The following STARD9 variants were observed in gnomAD, a reference collection of about 807,000 sequenced individuals.
The protein encoded by STARD9 is stAR-related lipid transfer protein 9.
Under a neutral mutation model 399.8 loss-of-function variants are expected in STARD9, and 346 were observed. That is an observed-to-expected ratio of 0.87 (90% CI 0.79 to 0.95). STARD9 has a LOEUF of 0.95. Among genes scored for constraint, STARD9 ranks in the 40% least tolerant of loss-of-function variants. The pLI, the probability that STARD9 is intolerant of heterozygous loss-of-function variation, is 0.00. For synonymous variants in STARD9, 2,203 were observed against 2,143.5 expected, an observed-to-expected ratio of 1.03 and a Z score of -0.77; for missense variants, 5,832 against 5,667.5, an observed-to-expected ratio of 1.03 and a Z score of -0.93.
chr15:42,637,542 C>T (rs2059442224), intron 4 of STARD9, among the ~76,000 whole-genome samples: 1 of 152,154 alleles, frequency 6.6e-6, no homozygotes, highest in South Asian at 2.1e-4. Context: ...TACTCATATA[C>T]TCTTGTCCGC....
intron 7 of STARD9, among the ~76,000 whole-genome samples, chr15:42,641,548 C>T (rs1251403613): frequency 1.3e-5 from 2 of 148,798 alleles, no homozygotes; most frequent in African/African-American, 2.5e-5. Context: ...GTGATGTTCC[C>T]CTTCCTGTGT....
intron 16 of STARD9, 122 bp downstream of exon 16, chr15:42,669,459 C>T: frequency 1.1e-6 from 1 of 914,810 alleles, no homozygotes; most frequent in East Asian, 2.7e-5. Context: ...TACAGAGCTG[C>T]CTTCAGGTTT....
At chr15:42,603,867 C>A (rs34840286) in intron 3 of STARD9, among the ~76,000 whole-genome samples, 1 of 146,988 alleles carries the variant, frequency 6.8e-6, no homozygotes, top group Non-Finnish European at 1.5e-5. Flanking sequence ...ATCTTTGGTT[C>A]AAAGAACCAA....
intron 7 of STARD9, among the ~76,000 whole-genome samples, chr15:42,639,240 G>A (rs775685956): frequency 9.2e-5 from 14 of 152,180 alleles, no homozygotes; most frequent in Non-Finnish European, 1.6e-4. Context: ...TAGAGCCCTG[G>A]GAGAAGGCTT....
At chr15:42,713,170 T>G (rs1334697173) in intron 26 of STARD9, among the ~76,000 whole-genome samples, 1 of 152,230 alleles carries the variant, frequency 6.6e-6, no homozygotes, top group Non-Finnish European at 1.5e-5. Context: ...TTAAACTTAT[T>G]CGTAAGTATT....
chr15:42,694,038 G>A lies in STARD9; in HGVS notation c.12460G>A (p.Gly4154Arg). 3 of 1,534,234 alleles carry A rather than the reference G, an allele frequency of 2.0e-6. No individual in the cohort carries two copies. Among genetic ancestry groups the A allele is most frequent in the Non-Finnish European group, 2.6e-6 (3 of 1,145,532 alleles). The change falls in exon 23 of 33, where the codon GGG becomes AGG. Residue 4154 changes from glycine to arginine, a missense_variant. Physicochemically the swap from Gly to Arg is moderately radical, Grantham distance 125. Around this residue, in one of 2 missense-constraint regions of STARD9, gnomAD observed 5,828 missense variants for 5,651.1 expected, o/e 1.03. Coordinates refer to ENST00000290607, the MANE Select transcript of STARD9 (RefSeq NM_020759.3). ...GTGTGGGGTTCAGAAGGGCTCACCT[G>A]GGGGGTTGGACATGACTGAGGAGGA... ...NWCGVQKGSP[G>R]GLDMTEEELG... is the part of the protein sequence containing the mutation.
rs939969225 is a variant in STARD9, at chr15:42,694,374, A to G, written c.12764+32A>G. 3.0e-5 allele frequency: 46 copies of G among 1,535,046 alleles called. No homozygotes were observed. The African/African-American group carries it at 4.5e-4, about 15-fold the overall frequency. ...ACCCCCAGCCTGGAGTCGGGAGGGG[A>G]AGGGGTGGGCTGTGAGGAAAGAGAA... On this transcript the variant is annotated intron_variant, in intron 23 of 32. Transcript: ENST00000290607.
chr15:42,577,621 G>C (rs926198434), intron 1 of STARD9, among the ~76,000 whole-genome samples: 1 of 152,208 alleles, frequency 6.6e-6, no homozygotes, highest in African/African-American at 2.4e-5. Context: ...GCAAGTGGTA[G>C]GATGTCAAGA....
intron 3 of STARD9, among the ~76,000 whole-genome samples, chr15:42,612,894 G>T (rs1399992019): frequency 1.3e-5 from 2 of 150,174 alleles, no homozygotes; most frequent in African/African-American, 4.9e-5. Context: ...TGAGGCAGGA[G>T]AATTGCTTGA....
At chr15:42,695,661 G>A (rs925091808) in intron 25 of STARD9, 82 bp from the exon 26 acceptor site, 1 of 1,451,916 alleles carries the variant, frequency 6.9e-7, no homozygotes, top group Non-Finnish European at 9.2e-7. Context: ...CAGGGAAGGG[G>A]TGGCTTTGGG....
intron 3 of STARD9, among the ~76,000 whole-genome samples, chr15:42,631,945 C>T (rs1466442065): frequency 6.6e-6 from 1 of 152,026 alleles, no homozygotes; most frequent in African/African-American, 2.4e-5. Flanking sequence ...CTGTAAATAT[C>T]TATTAGTTCC....
intron 7 of STARD9, among the ~76,000 whole-genome samples, chr15:42,643,220 G>A (rs1680066645): frequency 6.6e-6 from 1 of 151,546 alleles, no homozygotes; most frequent in Non-Finnish European, 1.5e-5. Context: ...TTTTTGAGAC[G>A]GAGTCTTGCT....
At chr15:42,656,655 C>T (rs2059879353) in intron 9 of STARD9, among the ~76,000 whole-genome samples, 1 of 152,096 alleles carries the variant, frequency 6.6e-6, no homozygotes, top group Admixed American at 6.6e-5. Context: ...TGAAAAGGCA[C>T]CAAATAATAG....
At chr15:42,718,350 TG>T (rs2061389487) in intron 30 of STARD9, 84 bp from the exon 31 acceptor site, 15 of 1,287,432 alleles carry the variant, frequency 1.2e-5, no homozygotes, top group Non-Finnish European at 1.5e-5. Context: ...GATGGGGTGT[TG>T]GGGGGAGGGC....
rs1209469748 is a variant in STARD9 at position 42,689,728 on chromosome 15, C to G, written c.8150C>G (p.Pro2717Arg). ...DATRTPSSAD[P>R]LAPDSPRSSA... ...ACCAGAACACCTTCCTCAGCTGATCCTTTGGCCCCAGACAGTCCTCGTTCT... is the reference window on the plus strand; with the variant it reads ...ACCAGAACACCTTCCTCAGCTGATCGTTTGGCCCCAGACAGTCCTCGTTCT... Residue 2717 changes from proline (P) to arginine (R), a missense_variant, in exon 23 of 33, where the codon CCT (proline) becomes CGT (arginine). By Grantham distance (103) the Pro-to-Arg change is moderately radical. Coordinates refer to ENST00000290607, the MANE Select transcript of STARD9 (RefSeq NM_020759.3). 7.2e-6 allele frequency: 11 copies of G among 1,537,702 alleles called. No homozygotes were observed. Among genetic ancestry groups the G allele is most frequent in the Non-Finnish European group, 9.6e-6 (11 of 1,147,040 alleles).
chr15:42,591,947 C>T (rs755879328), intron 3 of STARD9, among the ~76,000 whole-genome samples: 11 of 152,142 alleles, frequency 7.2e-5, no homozygotes, highest in Non-Finnish European at 1.5e-4. Flanking sequence ...AGGCATAGAA[C>T]GTTTATAGGA....
At position 42,687,369 on chromosome 15, in the gene STARD9, A is replaced by G. The variant is rs1173853308; in HGVS notation, c.5791A>G (p.Ile1931Val). The stretch of plus-strand genomic sequence containing the variant: ...TCAGAATACGGTTCTGAGGCAGACC[A>G]TCAATGTAAGCCTTGAGAAAGACAT... The part of the protein sequence containing the change: ...LDQNTVLRQT[I>V]NVSLEKDMPG... The change falls in exon 23 of 33, where the codon ATC becomes GTC. Residue 1931 changes from isoleucine (I) to valine (V), a missense_variant. Transcript: ENST00000290607. 6.5e-7 allele frequency: 1 copy of G among 1,536,662 alleles called. No individual in the cohort carries two copies. Among genetic ancestry groups the G allele is most frequent in the Non-Finnish European group, 8.7e-7 (1 of 1,146,928 alleles).
At chr15:42,644,507 G>A (rs1041349765) in intron 7 of STARD9, among the ~76,000 whole-genome samples, 35 of 151,732 alleles carry the variant, frequency 2.3e-4, no homozygotes, top group African/African-American at 7.0e-4. Context: ...AAAAAAAAAT[G>A]TACATACATT....
intron 13 of STARD9, among the ~76,000 whole-genome samples, chr15:42,664,264 G>A (rs1364188762): frequency 2.0e-5 from 3 of 152,062 alleles, no homozygotes; most frequent in East Asian, 1.9e-4. Flanking sequence ...AGGCTGGAGC[G>A]CAGTGGTGCA....
Sources: gnomAD v4.1 joint callset for allele counts (sites outside exome capture counted in the v4.1 genomes callset) on GRCh38, gnomAD v4.1.1 for gene constraint, gnomAD v4.1.1 regional missense constraint, MANE v1.5 for transcripts, NCBI Gene and HGNC (gene_info 2026-07-23, HGNC 2026-07-21) for gene names.